NRG1: variants seen among roughly 807,000 people sequenced by gnomAD.
NRG1 encodes the protein pro-neuregulin-1, membrane-bound isoform.
Under a neutral mutation model 63.8 loss-of-function variants are expected in NRG1, and 18 were observed. The ratio of observed to expected loss-of-function variants is 0.28; its 90% confidence interval spans 0.19 to 0.42. NRG1 has a LOEUF of 0.42. NRG1 is among the 10% of genes least tolerant of loss of function. The pLI is 1.00. For synonymous variants in NRG1, 302 were observed against 301.3 expected, an observed-to-expected ratio of 1.00 and a Z score of -0.02; for missense variants, 762 against 814.7, an observed-to-expected ratio of 0.94 and a Z score of 0.79.
intron 1 of NRG1, among the ~76,000 whole-genome samples, chr8:31,902,897 A>G (rs139986494): frequency 3.1e-3 from 477 of 152,300 alleles, no homozygotes; most frequent in African/African-American, 0.011. Flanking sequence ...CTTTCGTCCA[A>G]TAGAACGTAA....
At chr8:32,600,245 T>TAAA (rs202100794) in intron 2 of NRG1, among the ~76,000 whole-genome samples, 1 of 151,072 alleles carries the variant, frequency 6.6e-6, no homozygotes, top group Non-Finnish European at 1.5e-5. Flanking sequence ...TCTCTATACT[T>TAAA]AAAAAAAAAT....
chr8:32,670,832 G>A (rs1231724611), intron 5 of NRG1, among the ~76,000 whole-genome samples: 1 of 152,176 alleles, frequency 6.6e-6, no homozygotes, highest in Non-Finnish European at 1.5e-5. Flanking sequence ...GGTAAGCAAG[G>A]TGATGGATAA....
intron 1 of NRG1, among the ~76,000 whole-genome samples, chr8:32,108,314 C>A (rs1331488255): frequency 1.3e-5 from 2 of 152,058 alleles, no homozygotes; most frequent in East Asian, 3.9e-4. Flanking sequence ...TGTTCTGGAG[C>A]CTAGGAAGTC....
chr8:32,754,448 G>A, exon 8 of NRG1: 2 of 1,613,882 alleles, frequency 1.2e-6, no homozygotes, highest in Non-Finnish European at 8.5e-7. Context: ...TCGGCATCAT[G>A]TGTGTGGTGG....
At chr8:32,597,383 A>G (rs775838520) in intron 2 of NRG1, among the ~76,000 whole-genome samples, 31 of 152,182 alleles carry the variant, frequency 2.0e-4, no homozygotes, top group Non-Finnish European at 3.7e-4. Flanking sequence ...TTTATTAGCT[A>G]CATACTTTAT....
intron 1 of NRG1, among the ~76,000 whole-genome samples, chr8:31,825,581 G>C (rs1285582714): frequency 2.0e-5 from 3 of 152,042 alleles, no homozygotes; most frequent in African/African-American, 7.3e-5. Flanking sequence ...TTGGATGAAG[G>C]GACTGAGACA....
Position 32,302,065 on chromosome 8 carries a change from A to G in NRG1, c.38-293763A>G, listed in dbSNP as rs528318446. Among the ~76,000 whole-genome samples the G allele has an allele frequency of 1.1e-4, 16 of 152,150 alleles. 1 individual carries two copies. Among genetic ancestry groups the G allele is most frequent in the African/African-American group, 3.6e-4 (15 of 41,496 alleles). The stretch of plus-strand genomic sequence containing the variant: ...GTCTAATTTAGCATTTGTCCTGAAT[A>G]TTTCATTTAGTGATGTATTATTGTT... On this transcript the variant is annotated intron_variant, in intron 1 of 10. Transcript: ENST00000519301.
chr8:32,110,412 G>C, intron 1 of NRG1, among the ~76,000 whole-genome samples: 1 of 152,126 alleles, frequency 6.6e-6, no homozygotes, highest in East Asian at 1.9e-4. Flanking sequence ...AACTGAAGAA[G>C]GTGAGCAGAG....
At chr8:32,681,617 C>A (rs1296510997) in intron 5 of NRG1, among the ~76,000 whole-genome samples, 1 of 152,086 alleles carries the variant, frequency 6.6e-6, no homozygotes, top group East Asian at 1.9e-4. Context: ...TTAAACCAAA[C>A]AAAACCAAAC....
chr8:32,529,281 C>A (rs529277590), intron 1 of NRG1, among the ~76,000 whole-genome samples: 15 of 152,270 alleles, frequency 9.9e-5, no homozygotes, highest in African/African-American at 3.6e-4. Flanking sequence ...CTATGTAGAG[C>A]ACTTCTCACG....
At chr8:32,132,260 CA>C (rs1314790375) in intron 1 of NRG1, among the ~76,000 whole-genome samples, 3 of 152,046 alleles carry the variant, frequency 2.0e-5, no homozygotes, top group Admixed American at 1.3e-4. Context: ...AGGAGAAAAG[CA>C]AGTTTTAGAT....
chr8:31,739,618 A>G (rs544246969), intron 1 of NRG1, among the ~76,000 whole-genome samples: 2 of 152,052 alleles, frequency 1.3e-5, no homozygotes, highest in Non-Finnish European at 2.9e-5. Flanking sequence ...AAGGCATTTT[A>G]TGATTTCATG....
At chr8:31,934,492 C>A (rs143015389) in intron 1 of NRG1, among the ~76,000 whole-genome samples, 5,414 of 128,110 alleles carry the variant, frequency 0.042, 335 homozygotes, top group African/African-American at 0.15. Context: ...ATGGTGCAAT[C>A]TTGGCTCACT....
chr8:32,457,120 A>T (rs1821692584), intron 1 of NRG1, among the ~76,000 whole-genome samples: 1 of 152,186 alleles, frequency 6.6e-6, no homozygotes, highest in African/African-American at 2.4e-5. Flanking sequence ...TGACGGAGTG[A>T]GACTTTCTCA....
Position 32,246,128 on chromosome 8 carries a change from C to A in NRG1, c.38-349700C>A, listed in dbSNP as rs538041310. Among the ~76,000 whole-genome samples, 341 of 152,224 alleles carry A rather than the reference C, an allele frequency of 2.2e-3. 3 individuals carry two copies. The highest frequency in any genetic ancestry group is 3.8e-3 in the Non-Finnish European group (259 of 68,006). On this transcript the variant is annotated intron_variant, in intron 1 of 10. Coordinates refer to the NRG1 transcript ENST00000519301. ...TAATGAGAATACTCAGTAAGAATTT[C>A]TGATTTCTCTAACAGTCAGGCAGGA...
At position 32,069,040 on chromosome 8, in the gene NRG1, C is replaced by A. The variant is rs1268896826; in HGVS notation, c.37+429609C>A. Among the ~76,000 whole-genome samples, 3 of 152,066 alleles carry A rather than the reference C, an allele frequency of 2.0e-5. No individual in the cohort carries two copies. The South Asian group carries it at 6.2e-4, about 32-fold the overall frequency. ...GAGGAATGGTATCAGGAAGTTTTTC[C>A]AGCTTGATAGATGGGAAGGAAAGCA... On this transcript the variant is annotated intron_variant, in intron 1 of 10. Transcript: ENST00000519301.
intron 1 of NRG1, among the ~76,000 whole-genome samples, chr8:32,519,890 G>A (rs1257468602): frequency 6.6e-6 from 1 of 151,998 alleles, no homozygotes; most frequent in Non-Finnish European, 1.5e-5. Context: ...TATTGGAGGT[G>A]GATAAGCAAA....
chr8:32,281,544 A>T (rs976259260), intron 1 of NRG1, among the ~76,000 whole-genome samples: 11 of 151,950 alleles, frequency 7.2e-5, no homozygotes, highest in African/African-American at 2.7e-4. Flanking sequence ...AACAGTGTCT[A>T]TTGTTCCCTT....
chr8:32,698,866 G>A (rs1429160658), intron 5 of NRG1, among the ~76,000 whole-genome samples: 1 of 152,140 alleles, frequency 6.6e-6, no homozygotes, highest in Admixed American at 6.5e-5. Context: ...CTCAGGACTA[G>A]GAGCGATTTC....
Sources: allele counts gnomAD v4.1 joint callset (sites outside exome capture counted in the v4.1 genomes callset), GRCh38; gene constraint gnomAD v4.1.1; transcripts MANE v1.5; gene names NCBI Gene and HGNC (gene_info 2026-07-23, HGNC 2026-07-21).